The following POLH variants were observed in gnomAD, a reference collection of about 807,000 sequenced individuals.
POLH encodes the protein DNA polymerase eta.
Under a neutral mutation model 73.6 loss-of-function variants are expected in POLH, and 53 were observed. That is an observed-to-expected ratio of 0.72 (90% CI 0.58 to 0.91). The LOEUF (loss-of-function observed/expected upper bound fraction) is 0.91, where lower values mean the gene tolerates loss of function less well. Among genes scored for constraint, POLH ranks in the 40% least tolerant of loss-of-function variants. POLH has a pLI of 0.00. For missense variants in POLH, 768 were observed against 865.4 expected (o/e 0.89, Z 1.41); for synonymous variants, 292 against 308.5 (o/e 0.95, Z 0.56).
chr6:43,583,360 A>G (rs1392193040), intron 3 of POLH, among the ~76,000 whole-genome samples: 1 of 152,206 alleles, frequency 6.6e-6, no homozygotes, highest in Non-Finnish European at 1.5e-5. Context: ...TGCCTTTGAT[A>G]TCTATTCAGT....
At chr6:43,586,891 T>C (rs1298397783) in intron 3 of POLH, among the ~76,000 whole-genome samples, 1 of 152,172 alleles carries the variant, frequency 6.6e-6, no homozygotes, top group Admixed American at 6.6e-5. Context: ...AAGACAAAAT[T>C]AGAAGCAGAA....
Position 43,619,082 on chromosome 6 carries a change from A to G in POLH, c.*4525A>G, listed in dbSNP as rs1395939020. ...TTTTATGATACTTGAATATCTAATA[A>G]AAGACAATATTTAGCCAGTCACGGT... On this transcript the variant is annotated 3_prime_UTR_variant, in exon 11 of 11. Coordinates refer to ENST00000372236, the MANE Select transcript of POLH (RefSeq NM_006502.3). Among the ~76,000 whole-genome samples, 1 of 152,150 alleles carries G rather than the reference A, an allele frequency of 6.6e-6. No individual in the cohort carries two copies. Among genetic ancestry groups the G allele is most frequent in the Non-Finnish European group, 1.5e-5 (1 of 68,034 alleles).
intron 5 of POLH, among the ~76,000 whole-genome samples, chr6:43,600,713 A>G (rs1412594140): frequency 2.0e-5 from 3 of 152,164 alleles, no homozygotes; most frequent in African/African-American, 7.2e-5. Flanking sequence ...GTAGGAATAG[A>G]TGGGAAGGAA....
rs921660691 is a variant in POLH at position 43,615,962 on chromosome 6, G to A, written c.*1405G>A. Among the ~76,000 whole-genome samples, 3 of 151,798 alleles carry A rather than the reference G, an allele frequency of 2.0e-5. No homozygotes were observed. Among genetic ancestry groups the A allele is most frequent in the African/African-American group, 4.8e-5 (2 of 41,378 alleles). Reference sequence around the variant, plus strand: ...GCTGGGATTACAGATGTTAGCCACCGATCCTGGCCCCCCCAAAAAAAGGAT... The same window carrying A: ...GCTGGGATTACAGATGTTAGCCACCAATCCTGGCCCCCCCAAAAAAAGGAT... On this transcript the variant is annotated 3_prime_UTR_variant, in exon 11 of 11. Transcript: ENST00000372236.
chr6:43,607,388 C>T (rs1381786968), intron 9 of POLH, among the ~76,000 whole-genome samples: 3 of 152,156 alleles, frequency 2.0e-5, no homozygotes, highest in Non-Finnish European at 2.9e-5. Context: ...CCACTGCGCC[C>T]GGCCAGGACT....
At chr6:43,586,491 G>GA (rs1011002402) in intron 3 of POLH, among the ~76,000 whole-genome samples, 2 of 151,602 alleles carry the variant, frequency 1.3e-5, no homozygotes, top group African/African-American at 4.8e-5. Flanking sequence ...CGAAAAACAA[G>GA]AAAAAAAAGA....
chr6:43,580,912 C>T (rs1764064955), intron 1 of POLH, among the ~76,000 whole-genome samples: 2 of 151,042 alleles, frequency 1.3e-5, no homozygotes, highest in East Asian at 2.0e-4. Flanking sequence ...CACCTCCCTC[C>T]CGGACGGCAC....
chr6:43,608,065 G>A (rs1469830049), intron 9 of POLH, among the ~76,000 whole-genome samples: 1 of 152,184 alleles, frequency 6.6e-6, no homozygotes, highest in African/African-American at 2.4e-5. Flanking sequence ...TGGAGGTGGA[G>A]GTTGCAGTGA....
chr6:43,601,139 A>T (rs1245062627), intron 6 of POLH, 48 bp downstream of exon 6: 1 of 1,298,980 alleles, frequency 7.7e-7, no homozygotes, highest in Admixed American at 1.7e-5. Context: ...CCATGTGTAG[A>T]AACTCTCTGG....
At position 43,618,724 on chromosome 6, in the gene POLH, G is replaced by A. The variant is rs975629435; in HGVS notation, c.*4167G>A. On this transcript the variant is annotated 3_prime_UTR_variant, in exon 11 of 11. Transcript: ENST00000372236. ...CGGCTCACTGCAACCTCCGCCTCCCGGGTTCAAGCGATTCTCCTGCATCAG... is the reference window on the plus strand; with the variant it reads ...CGGCTCACTGCAACCTCCGCCTCCCAGGTTCAAGCGATTCTCCTGCATCAG... Among the ~76,000 whole-genome samples, 9 of 152,158 alleles carry A rather than the reference G, an allele frequency of 5.9e-5. No homozygotes were observed. The highest frequency in any genetic ancestry group is 2.1e-4 in the South Asian group (1 of 4,826).
intron 5 of POLH, among the ~76,000 whole-genome samples, chr6:43,598,414 G>T (rs897997108): frequency 6.6e-6 from 1 of 151,318 alleles, no homozygotes; most frequent in East Asian, 2.0e-4. Flanking sequence ...ATCACCTGAG[G>T]TCAGGAGTTC....
At chr6:43,601,567 C>T (rs542245974) in intron 6 of POLH, among the ~76,000 whole-genome samples, 10 of 152,166 alleles carry the variant, frequency 6.6e-5, no homozygotes, top group African/African-American at 2.4e-4. Context: ...CGTCCAGCCA[C>T]GCTGAGACTT....
At chr6:43,606,437 T>G (rs186375307) in intron 9 of POLH, among the ~76,000 whole-genome samples, 2 of 148,406 alleles carry the variant, frequency 1.3e-5, no homozygotes, top group Non-Finnish European at 3.0e-5. Context: ...TTTCTCTCCT[T>G]TTTTTTTTTG....
In POLH at chr6:43,614,498, C is replaced by T. The variant is rs762766469; in HGVS notation, c.2083C>T (p.Arg695Cys). 7 of 1,614,056 alleles carry T rather than the reference C, an allele frequency of 4.3e-6. No individual in the cohort carries two copies. Among genetic ancestry groups the T allele is most frequent in the Non-Finnish European group, 4.2e-6 (5 of 1,180,004 alleles). The part of the protein sequence containing the change: ...PKSPLACTNK[R>C]PRPEGMQTLE... ...GAGCCCTTTGGCCTGCACTAATAAACGCCCCAGGCCTGAGGGCATGCAAAC... is the reference window on the plus strand; with the variant it reads ...GAGCCCTTTGGCCTGCACTAATAAATGCCCCAGGCCTGAGGGCATGCAAAC... The change falls in exon 11 of 11, where the codon CGC (arginine) becomes TGC (cysteine). Residue 695 changes from arginine (R) to cysteine (C), a missense_variant. Arg to Cys is a radical substitution (Grantham distance 180, BLOSUM62 -3). Coordinates refer to ENST00000372236, the MANE Select transcript of POLH (RefSeq NM_006502.3).
At chr6:43,604,304 T>G (rs1023801106) in intron 7 of POLH, among the ~76,000 whole-genome samples, 5 of 152,212 alleles carry the variant, frequency 3.3e-5, no homozygotes, top group Admixed American at 2.0e-4. Context: ...TTAAAATCCT[T>G]GTGTTTAATG....
intron 1 of POLH, among the ~76,000 whole-genome samples, chr6:43,580,929 C>A (rs1764073457): frequency 6.6e-6 from 1 of 150,426 alleles, no homozygotes; most frequent in African/African-American, 2.4e-5. Context: ...GCACGGCTGG[C>A]CAGGCGGGGG....
chr6:43,577,655 T>A (rs548019940), intron 1 of POLH, among the ~76,000 whole-genome samples: 1 of 152,330 alleles, frequency 6.6e-6, no homozygotes, highest in South Asian at 2.1e-4. Context: ...AAACTTTTTT[T>A]AGAATACAGT....
chr6:43,601,102 A>T lies in POLH; in HGVS notation c.764+11A>T, dbSNP rs1422003087. The T allele has an allele frequency of 6.4e-7, 1 of 1,557,528 alleles. No individual in the cohort carries two copies. The highest frequency in any genetic ancestry group is 1.4e-5 in the African/African-American group (1 of 73,932). On this transcript the variant is annotated intron_variant, in intron 6 of 10. Coordinates refer to ENST00000372236, the MANE Select transcript of POLH (RefSeq NM_006502.3). ...GCCCATTCGCAAAATGTAAGTATTC[A>T]GGCAGCATGTTAAATTTCACTTCTA... is the stretch of plus-strand genomic sequence containing the variant.
rs753188996 is a variant in POLH, at chr6:43,582,416, C to T, written c.97C>T (p.Pro33Ser). The change falls in exon 2 of 11, where the codon CCT becomes TCT. Residue 33 changes from proline to serine, a missense_variant. Pro to Ser is a moderately conservative substitution (Grantham distance 74). Coordinates refer to ENST00000372236, the MANE Select transcript of POLH (RefSeq NM_006502.3). ...QRQNPHLRNKPCAVVQYKSWK... is the reference protein window; with the variant it reads ...QRQNPHLRNKSCAVVQYKSWK... ...GCAAAATCCTCATTTGAGGAATAAACCTTGTGCAGTTGTACAGTACAAATC... is the reference window on the plus strand; with the variant it reads ...GCAAAATCCTCATTTGAGGAATAAATCTTGTGCAGTTGTACAGTACAAATC... The T allele has an allele frequency of 8.1e-6, 13 of 1,613,778 alleles. No homozygotes were observed. In the South Asian group the frequency reaches 1.3e-4, roughly 16 times the overall value.
Sources: allele counts gnomAD v4.1 joint callset (sites outside exome capture counted in the v4.1 genomes callset), GRCh38; gene constraint gnomAD v4.1.1; transcripts MANE v1.5; gene names NCBI Gene and HGNC (gene_info 2026-07-23, HGNC 2026-07-21).